The following HDX variants were observed in gnomAD, a reference collection of about 807,000 sequenced individuals.
HDX encodes chromosome X open reading frame 43.
A neutral mutation model predicts 45.2 loss-of-function variants in HDX; 19 were observed. That is an observed-to-expected ratio of 0.42 (90% CI 0.29 to 0.62). The LOEUF is 0.62. HDX is among the 20% of genes least tolerant of loss of function. The pLI is 0.20. For missense variants in HDX, 532 were observed against 493.9 expected (o/e 1.08, Z -0.73); for synonymous variants, 188 against 172.8 (o/e 1.09, Z -0.69).
chrX:84,375,809 G>A (rs1410782312), intron 5 of HDX, among the ~76,000 whole-genome samples: 3 of 110,512 alleles, frequency 2.7e-5, no homozygotes, highest in Middle Eastern at 4.2e-3. Context: ...ACGAGTTAAT[G>A]GGTGCAGCAC....
At chrX:84,405,908 T>A (rs913066819) in intron 5 of HDX, among the ~76,000 whole-genome samples, 1 of 110,519 alleles carries the variant, frequency 9.0e-6, no homozygotes, top group East Asian at 2.8e-4. Context: ...CTGTCTGGTA[T>A]TTATTATTAT....
chrX:84,444,155 T>C (rs1266611035), intron 4 of HDX, among the ~76,000 whole-genome samples: 2 of 110,768 alleles, frequency 1.8e-5, no homozygotes, highest in Non-Finnish European at 3.8e-5. Flanking sequence ...AAAAAAAGAA[T>C]GGCATGAGCA....
rs1253343650 is a variant in HDX at position 84,462,373 on chromosome X, A to G, written c.1251+6099T>C. Among the ~76,000 whole-genome samples, 3 of 111,889 alleles carry G rather than the reference A, an allele frequency of 2.7e-5. No homozygotes were observed. The Admixed American group carries it at 2.8e-4, about 11-fold the overall frequency. On this transcript the variant is annotated intron_variant, in intron 4 of 10. Coordinates refer to ENST00000373177, the MANE Select transcript of HDX (RefSeq NM_001177479.2). ...GAGATCCTGTCATTTGACACAACAG[A>G]GATGGAACTGGAGGTCATTATGTTA... is the stretch of plus-strand genomic sequence containing the variant.
chrX:84,483,314 G>A (rs1158139113), intron 2 of HDX, among the ~76,000 whole-genome samples: 3 of 112,304 alleles, frequency 2.7e-5, no homozygotes, highest in Non-Finnish European at 5.6e-5. Context: ...CTCCACCCAT[G>A]CAGCAAATGT....
chrX:84,459,478 T>C (rs1012766782), intron 4 of HDX, among the ~76,000 whole-genome samples: 4 of 109,093 alleles, frequency 3.7e-5, no homozygotes, highest in African/African-American at 1.0e-4. Flanking sequence ...AAAAGGAATA[T>C]TTAAAAATTT....
chrX:84,447,702 T>C (rs1045822836), intron 4 of HDX, among the ~76,000 whole-genome samples: 3 of 111,570 alleles, frequency 2.7e-5, no homozygotes, highest in Non-Finnish European at 5.6e-5. Context: ...TCCGAATCCC[T>C]GAAGCCTAAT....
At chrX:84,471,036 A>G (rs1409814479) in intron 3 of HDX, among the ~76,000 whole-genome samples, 1 of 111,906 alleles carries the variant, frequency 8.9e-6, no homozygotes, top group African/African-American at 3.2e-5. Context: ...GAAAAATGAA[A>G]ACATTAAATG....
At chrX:84,385,615 A>T (rs970951751) in intron 5 of HDX, among the ~76,000 whole-genome samples, 4 of 109,601 alleles carry the variant, frequency 3.6e-5, no homozygotes, top group Non-Finnish European at 5.7e-5. Flanking sequence ...TCTTTCTGGG[A>T]TTTGTAAATG....
intron 5 of HDX, among the ~76,000 whole-genome samples, chrX:84,386,847 C>A (rs755428034): frequency 1.1e-4 from 12 of 111,307 alleles, no homozygotes; most frequent in Non-Finnish European, 2.1e-4. Flanking sequence ...TTATTTAATT[C>A]TTTTCTAATT....
At chrX:84,478,730 G>C (rs756233415) in intron 2 of HDX, among the ~76,000 whole-genome samples, 114 of 110,749 alleles carry the variant, frequency 1.0e-3, no homozygotes, top group African/African-American at 3.6e-3. Context: ...ATGGTGGCAT[G>C]TGCCTGTAGT....
chrX:84,493,077 A>G (rs2040924467), intron 1 of HDX, among the ~76,000 whole-genome samples: 1 of 110,887 alleles, frequency 9.0e-6, no homozygotes, highest in Admixed American at 9.6e-5. Flanking sequence ...ATGCCCGGCT[A>G]ATTTTTGTAT....
At chrX:84,328,069 C>T (rs1410673721) in intron 9 of HDX, among the ~76,000 whole-genome samples, 2 of 111,167 alleles carry the variant, frequency 1.8e-5, no homozygotes, top group Non-Finnish European at 3.8e-5. Flanking sequence ...CCTCCCACAT[C>T]AGTCTCCCAA....
At chrX:84,400,510 C>T (rs1217051365) in intron 5 of HDX, among the ~76,000 whole-genome samples, 5 of 109,379 alleles carry the variant, frequency 4.6e-5, no homozygotes, top group African/African-American at 1.7e-4. Context: ...TGTGAAGGAC[C>T]TCTTTAAGGA....
intron 5 of HDX, among the ~76,000 whole-genome samples, chrX:84,433,871 T>C (rs2039559698): frequency 9.0e-6 from 1 of 111,375 alleles, no homozygotes; most frequent in African/African-American, 3.3e-5. Flanking sequence ...TTCATCAATG[T>C]TTTGTTTTTT....
chrX:84,444,428 G>T (rs188958698), intron 4 of HDX, among the ~76,000 whole-genome samples: 9 of 111,019 alleles, frequency 8.1e-5, no homozygotes, highest in African/African-American at 2.9e-4. Context: ...GTTTGGAAGA[G>T]AAGTAATTCA....
At chrX:84,499,971 T>G (rs1286307237) in intron 1 of HDX, 1 of 111,445 alleles carries the variant, frequency 9.0e-6, no homozygotes, top group East Asian at 2.8e-4. Context: ...AAAAAGTGAG[T>G]AATTTGTGTA....
chrX:84,478,131 G>A (rs921049009), intron 2 of HDX, among the ~76,000 whole-genome samples: 6 of 111,994 alleles, frequency 5.4e-5, no homozygotes, highest in Non-Finnish European at 3.8e-5. Context: ...GTGTTAAGTT[G>A]TAAAGCATGT....
intron 5 of HDX, among the ~76,000 whole-genome samples, chrX:84,378,906 C>CA (rs1409094061): frequency 9.0e-6 from 1 of 110,632 alleles, no homozygotes; most frequent in Non-Finnish European, 1.9e-5. Flanking sequence ...CTGTTGTCTA[C>CA]AAGAAACACA....
intron 5 of HDX, among the ~76,000 whole-genome samples, chrX:84,379,967 C>A (rs1434500104): frequency 4.5e-5 from 5 of 110,254 alleles, no homozygotes; most frequent in African/African-American, 1.3e-4. Flanking sequence ...CATTGACAAA[C>A]CTTTAGCGAC....
Sources: gnomAD v4.1 joint callset for allele counts (sites outside exome capture counted in the v4.1 genomes callset) on GRCh38, gnomAD v4.1.1 for gene constraint, MANE v1.5 for transcripts, NCBI Gene and HGNC (gene_info 2026-07-23, HGNC 2026-07-21) for gene names.